Variants in PCSK7 observed in about 807,000 individuals in gnomAD.
The protein encoded by PCSK7 is lymphoma proprotein convertase.
PCSK7 carries 38 observed loss-of-function variants against 73.3 expected under a neutral mutation model. The ratio of observed to expected loss-of-function variants is 0.52; its 90% CI spans 0.40 to 0.68. PCSK7 has a LOEUF of 0.68. Among genes scored for constraint, PCSK7 ranks in the 30% least tolerant of loss-of-function variants. The pLI, the probability that PCSK7 is intolerant of heterozygous loss-of-function variation, is 0.00. For synonymous variants in PCSK7, 296 were observed against 383.8 expected, an observed-to-expected ratio of 0.77 and a Z score of 2.68; for missense variants, 692 against 991.5, an observed-to-expected ratio of 0.70 and a Z score of 4.06.
At position 117,227,179 on chromosome 11, in the gene PCSK7, C is replaced by T; in HGVS notation, c.747G>A (p.Val249=). 6.2e-7 allele frequency: 1 copy of T among 1,608,438 alleles called. No individual in the cohort carries two copies. Among genetic ancestry groups the T allele is most frequent in the Non-Finnish European group, 8.5e-7 (1 of 1,177,102 alleles). The stretch of plus-strand genomic sequence containing the variant: ...TACCTGCGATGCGGCTCCCGTAGGC[C>T]ACGCCCACGGCACAGAAGCTGTTGT... ...VPNNSFCAVG[V]AYGSRIAGIR... The change falls in exon 5 of 17, where the codon GTG becomes GTA. Residue 249 remains valine (V), a synonymous_variant. Transcript: ENST00000320934.
intron 7 of PCSK7, among the ~76,000 whole-genome samples, chr11:117,224,472 A>G (rs2032332207): frequency 6.6e-6 from 1 of 152,166 alleles, no homozygotes; most frequent in Non-Finnish European, 1.5e-5. Flanking sequence ...GGGGCCAGGC[A>G]TGGGAGCTGA....
chr11:117,224,967 T>C (rs1319012437), intron 6 of PCSK7: 27 of 576,884 alleles, frequency 4.7e-5, no homozygotes, highest in African/African-American at 4.3e-4. Flanking sequence ...AGGCTCTTCT[T>C]TTCCTTGTGA....
chr11:117,219,316 A>G, intron 10 of PCSK7, 152 bp from the exon 11 acceptor site: 1 of 669,764 alleles, frequency 1.5e-6, no homozygotes, highest in Non-Finnish European at 2.5e-6. Flanking sequence ...AAGCTGGGAC[A>G]AAAGGTCAAA....
chr11:117,231,491 C>T (rs2032663798), intron 1 of PCSK7, among the ~76,000 whole-genome samples: 1 of 152,282 alleles, frequency 6.6e-6, no homozygotes, highest in Non-Finnish European at 1.5e-5. Flanking sequence ...AGTGGCCCCG[C>T]TAGGCAGACT....
chr11:117,223,782 G>A (rs2032301223), intron 8 of PCSK7: 2 of 415,904 alleles, frequency 4.8e-6, no homozygotes, highest in Non-Finnish European at 8.7e-6. Flanking sequence ...AGTCAGGGGA[G>A]GCTTCCAGCA....
At chr11:117,212,355 C>T (rs185955408) in intron 12 of PCSK7, 14 of 151,744 alleles carry the variant, frequency 9.2e-5, no homozygotes, top group Admixed American at 7.9e-4. Flanking sequence ...CCCCAGTTGT[C>T]GTCCCCTCCA....
In PCSK7 at chr11:117,229,231, A is replaced by G. The variant is rs2032545277; in HGVS notation, c.468+146T>C. 5.7e-6 allele frequency: 4 copies of G among 706,628 alleles called. No individual in the cohort carries two copies. The East Asian group carries it at 1.0e-4, about 18-fold the overall frequency. The allele number at this position is 706,628 out of a possible 1,614,324, so 43.8% of individuals were successfully genotyped here. On this transcript the variant is annotated intron_variant, in intron 3 of 16. Transcript: ENST00000320934. ...CTCTAGAAGACAGTAGAAGGGAGGG[A>G]GAGCCTAGGGAAACACCACAGAACC...
intron 10 of PCSK7, 24 bp downstream of exon 10, chr11:117,219,567 C>G (rs1450818220): frequency 6.2e-7 from 1 of 1,609,132 alleles, no homozygotes; most frequent in East Asian, 2.2e-5. Flanking sequence ...GGCCAGGCCA[C>G]TTGTCTACCT....
rs749503357 is a variant in PCSK7 at position 117,209,058 on chromosome 11, A to T, written c.1535-5T>A. 6.4e-7 allele frequency: 1 copy of T among 1,553,970 alleles called. No individual in the cohort carries two copies. Among genetic ancestry groups the T allele is most frequent in the Non-Finnish European group, 8.8e-7 (1 of 1,139,604 alleles). ...TCTCCAGGTCCATCCTGCTGACTGT[A>T]GAAAGTCAGGCTGGGCAGCTGGGAA... On this transcript the variant is annotated splice_polypyrimidine_tract_variant and splice_region_variant and intron_variant, in intron 12 of 16. Transcript: ENST00000320934.
intron 3 of PCSK7, 80 bp from the exon 4 acceptor site, chr11:117,228,430 T>C: frequency 1.5e-6 from 2 of 1,343,306 alleles, no homozygotes; most frequent in Non-Finnish European, 2.1e-6. Context: ...GCAGCCCCTT[T>C]TCACCCTTGG....
At chr11:117,213,448 CTT>C (rs758587111) in intron 12 of PCSK7, 8 of 152,090 alleles carry the variant, frequency 5.3e-5, no homozygotes, top group Non-Finnish European at 8.8e-5. Context: ...AGCAAGCCAG[CTT>C]TTGAGAGGTG....
intron 1 of PCSK7, 96 bp from the exon 2 acceptor site, chr11:117,230,564 T>C (rs1465938535): frequency 6.6e-6 from 1 of 152,188 alleles, no homozygotes; most frequent in East Asian, 1.9e-4. Flanking sequence ...CAAAGAAACT[T>C]CATTAATTGT....
At position 117,218,409 on chromosome 11, in the gene PCSK7, G is replaced by A. The variant is rs1240248431; in HGVS notation, c.1534+57C>T. ...CAGGGAGGACGAGTTTAACTTCCTT[G>A]TCACCCGGCCCCAAACCTCAGGCCT... On this transcript the variant is annotated intron_variant, in intron 12 of 16. Transcript: ENST00000320934. This position sits in a 1 kb window ranked among gnomAD's most constrained non-coding sequence, Gnocchi z 4.0. 1.8e-5 allele frequency: 17 copies of A among 933,780 alleles called. No homozygotes were observed. The highest frequency in any genetic ancestry group is 2.6e-5 in the Non-Finnish European group (16 of 624,728). 57.8% of individuals were successfully genotyped at this position (933,780 alleles called of 1,614,324 possible). A position where few individuals can be genotyped will look rare whatever the true frequency, so the allele number is the denominator to read the frequency against.
rs1314317419 is a variant in PCSK7 at position 117,216,330 on chromosome 11, C to T, written c.1534+2136G>A. The T allele has an allele frequency of 1.3e-5, 2 of 152,114 alleles. 1 individual carries two copies. The highest frequency in any genetic ancestry group is 2.9e-5 in the Non-Finnish European group (2 of 68,054). The allele number at this position is 152,114 out of a possible 1,614,324, so 9.4% of individuals were successfully genotyped here. On this transcript the variant is annotated intron_variant, in intron 12 of 16. Transcript: ENST00000320934. ...TCTGCTTTATAAAAAGTTCACTTTC[C>T]AGCCCCCAGACACTGAATCAACCAG...
intron 3 of PCSK7, 148 bp downstream of exon 3, chr11:117,229,229 G>A (rs1329555743): frequency 1.6e-5 from 11 of 702,882 alleles, no homozygotes; most frequent in Admixed American, 2.5e-5. Context: ...TAGAAGGGAG[G>A]GAGAGCCTAG....
In PCSK7 at chr11:117,228,218, A is replaced by G. The variant is rs2032503875; in HGVS notation, c.601T>C (p.Tyr201His). The G allele has an allele frequency of 7.4e-6, 12 of 1,613,384 alleles. No homozygotes were observed. Among genetic ancestry groups the G allele is most frequent in the East Asian group, 2.2e-5 (1 of 44,866 alleles). The stretch of plus-strand genomic sequence containing the variant: ...GGTGTCGTTCCAGGGCCACTCACAT[A>G]GTTGGGTGCAATGTCCTGGATGGTG... ...EHTIQDIAPN[Y>H]SPEGSYDLNS... Residue 201 changes from tyrosine (Y) to histidine (H), a missense_variant and splice_region_variant, in exon 4 of 17, where the codon TAT becomes CAT. By Grantham distance (83) the Tyr-to-His change is moderately conservative. Coordinates refer to ENST00000320934, the MANE Select transcript of PCSK7 (RefSeq NM_004716.4).
At chr11:117,211,694 T>C (rs528054909) in intron 12 of PCSK7, 7 of 152,388 alleles carry the variant, frequency 4.6e-5, no homozygotes, top group Admixed American at 1.3e-4. Context: ...CTAGACCTTT[T>C]TGCTAGCACC....
At position 117,230,756 on chromosome 11, in the gene PCSK7, G is replaced by A. The variant is rs369511965; in HGVS notation, c.-132-288C>T. ...GCCTCTTGAAAGAGTAGGTAATAAC[G>A]TCCTAGAAGTCCAGGTGGTAGCTAA... On this transcript the variant is annotated intron_variant, in intron 1 of 16. Coordinates refer to ENST00000320934, the MANE Select transcript of PCSK7 (RefSeq NM_004716.4). Among the ~76,000 whole-genome samples the A allele has an allele frequency of 1.8e-4, 27 of 152,228 alleles. No individual in the cohort carries two copies. The South Asian group carries it at 5.0e-3, about 28-fold the overall frequency.
chr11:117,210,170 G>C (rs111487767), intron 12 of PCSK7: 1 of 152,122 alleles, frequency 6.6e-6, no homozygotes. Context: ...CAATTTCTTG[G>C]TTTTGATATT....
Sources: allele counts gnomAD v4.1 joint callset (sites outside exome capture counted in the v4.1 genomes callset), GRCh38; gene constraint gnomAD v4.1.1; non-coding constraint Gnocchi (gnomAD v3.1); transcripts MANE v1.5; gene names NCBI Gene and HGNC (gene_info 2026-07-23, HGNC 2026-07-21).